SRCIN1: variants seen among roughly 807,000 people sequenced by gnomAD.
SRCIN1 encodes SRC kinase signaling inhibitor 1.
Under a neutral mutation model 116.2 loss-of-function variants are expected in SRCIN1, and 50 were observed. The ratio of observed to expected loss-of-function variants is 0.43; its 90% CI spans 0.34 to 0.54. SRCIN1 has a LOEUF of 0.54. Among genes scored for constraint, SRCIN1 ranks in the 20% least tolerant of loss-of-function variants. The probability of loss-of-function intolerance (pLI) is 0.02; values close to 1 mark genes in which losing one functional copy is unlikely to be tolerated. For missense variants in SRCIN1, 1,446 were observed against 1,672.0 expected (o/e 0.86, Z 2.36); for synonymous variants, 736 against 750.0 (o/e 0.98, Z 0.30).
rs1907148356 is a variant in SRCIN1, at chr17:38,572,483, G to C, written c.325-4252C>G. The stretch of plus-strand genomic sequence containing the variant: ...TTTGGAGTGGGGGCCGGCCCACGCC[G>C]AAGGCACCTAATGCGGTGGGGGAGG... On this transcript the variant is annotated intron_variant, in intron 2 of 18. Transcript: ENST00000617146. This position sits in a 1 kb window ranked among gnomAD's most constrained non-coding sequence, Gnocchi z 4.3. Among the ~76,000 whole-genome samples the C allele has an allele frequency of 2.0e-5, 3 of 152,036 alleles. No homozygotes were observed. Among genetic ancestry groups the C allele is most frequent in the South Asian group, 4.1e-4 (2 of 4,828 alleles).
At position 38,552,132 on chromosome 17, in the gene SRCIN1, C is replaced by T. The variant is rs2048913599; in HGVS notation, c.2481G>A (p.Arg827=). 1.9e-6 allele frequency: 3 copies of T among 1,608,552 alleles called. No individual in the cohort carries two copies. The highest frequency in any genetic ancestry group is 2.5e-6 in the Non-Finnish European group (3 of 1,176,632). Residue 827 remains arginine, a splice_region_variant and synonymous_variant, in exon 14 of 19, where the codon AGG becomes AGA. Transcript: ENST00000617146. The surrounding 1 kb of genome is among the most constrained non-coding windows in gnomAD (Gnocchi z 5.3). The part of the protein sequence containing the change: ...GVTDTLAQIR[R]QVDEGVWPPP... ...GTGGCCACACACCCTCATCCACTTG[C>T]CTGGGGTTGGGAGAGTTGGGAGCAG... is the stretch of plus-strand genomic sequence containing the variant.
intron 11 of SRCIN1, among the ~76,000 whole-genome samples, chr17:38,557,691 C>T (rs1444832240): frequency 6.6e-6 from 1 of 152,248 alleles, no homozygotes; most frequent in Non-Finnish European, 1.5e-5. Flanking sequence ...GCGATTCCTC[C>T]TTCCTTCTGA....
intron 2 of SRCIN1, among the ~76,000 whole-genome samples, chr17:38,576,244 C>T (rs1907408691): frequency 6.6e-6 from 1 of 152,124 alleles, no homozygotes; most frequent in South Asian, 2.1e-4. Context: ...CCCAAACTCC[C>T]TAACCCATGA....
chr17:38,547,626 G>T, intron 17 of SRCIN1: 1 of 220,306 alleles, frequency 4.5e-6, no homozygotes, highest in South Asian at 4.3e-5. Context: ...TAATGCTGTG[G>T]CAGTGGCTGT....
chr17:38,558,577 G>A lies in SRCIN1; in HGVS notation c.2026-175C>T, dbSNP rs112618440. 0.02 allele frequency among the ~76,000 whole-genome samples: 3,024 copies of A among 152,104 alleles called. 117 individuals carry two copies. Among genetic ancestry groups the A allele is most frequent in the African/African-American group, 0.068 (2,825 of 41,526 alleles). On this transcript the variant is annotated intron_variant, in intron 10 of 18. Transcript: ENST00000617146. This position sits in a 1 kb window ranked among gnomAD's most constrained non-coding sequence, Gnocchi z 4.6. ...GAAGGGGTGGGATGGCGAAGGGCAG[G>A]GGCGGGATGGCGAAGGGCAGGGGCA... is the stretch of plus-strand genomic sequence containing the variant.
rs542170700 is a variant in SRCIN1, at chr17:38,552,873, C to G, written c.2202-18G>C. ...CCAGGTCACTGCAGCCACAGAGAGA[C>G]CCTTTCAGCCCTTTTGGCCTGAGAT... On this transcript the variant is annotated intron_variant, in intron 11 of 18. Coordinates refer to ENST00000617146, the MANE Select transcript of SRCIN1 (RefSeq NM_025248.3). The surrounding 1 kb of genome is among the most constrained non-coding windows in gnomAD (Gnocchi z 5.3). The G allele has an allele frequency of 1.2e-6, 2 of 1,604,220 alleles. No homozygotes were observed. Among genetic ancestry groups the G allele is most frequent in the African/African-American group, 2.7e-5 (2 of 74,594 alleles).
At position 38,588,627 on chromosome 17, in the gene SRCIN1, GCGCCCCTCTGTGTGTGAAAGGGATC is replaced by G. The variant is rs1325732331; in HGVS notation, c.23-9861_23-9837del. Among the ~76,000 whole-genome samples the G allele has an allele frequency of 3.3e-5, 5 of 152,334 alleles. No homozygotes were observed. The East Asian group carries it at 9.7e-4, about 29-fold the overall frequency. On this transcript the variant is annotated intron_variant, in intron 1 of 18. Transcript: ENST00000617146. ...CAGGGGGCACTCCAGCCTGAGTGCTGCGCCCCTCTGTGTGTGAAAGGGATCTTTCCTCCCTCCCTGCAGCTGCCTC... is the reference window on the plus strand; with the variant it reads ...CAGGGGGCACTCCAGCCTGAGTGCTGTTTCCTCCCTCCCTGCAGCTGCCTC...
At position 38,574,623 on chromosome 17, in the gene SRCIN1, A is replaced by G. The variant is rs200313151; in HGVS notation, c.324+3867T>C. Among the ~76,000 whole-genome samples, 52 of 152,298 alleles carry G rather than the reference A, an allele frequency of 3.4e-4. 1 individual carries two copies. In the East Asian group the frequency reaches 7.3e-3, roughly 21 times the overall value. ...AAGGGATACAAAAACTTTTTTAAAAATCCTGAGTATCTTCCCTCAAAAAAT... is the reference window on the plus strand; with the variant it reads ...AAGGGATACAAAAACTTTTTTAAAAGTCCTGAGTATCTTCCCTCAAAAAAT... On this transcript the variant is annotated intron_variant, in intron 2 of 18. Transcript: ENST00000617146.
At chr17:38,597,488 A>T (rs113453345) in intron 1 of SRCIN1, among the ~76,000 whole-genome samples, 154 of 152,368 alleles carry the variant, frequency 1.0e-3, no homozygotes, top group Non-Finnish European at 1.5e-3. Flanking sequence ...TTGAATGTCT[A>T]CTATGTGCCA....
chr17:38,577,349 C>A (rs1907482819), intron 2 of SRCIN1, among the ~76,000 whole-genome samples: 1 of 152,210 alleles, frequency 6.6e-6, no homozygotes, highest in Non-Finnish European at 1.5e-5. Context: ...CTCTCTAATC[C>A]TGATCTGCAT....
chr17:38,599,835 G>C (rs1490011422), intron 1 of SRCIN1, among the ~76,000 whole-genome samples: 4 of 152,168 alleles, frequency 2.6e-5, no homozygotes, highest in African/African-American at 9.6e-5. Flanking sequence ...CCTGGGTATG[G>C]GGGAAACAGC....
Position 38,562,746 on chromosome 17 carries a change from C to G in SRCIN1, c.834+81G>C. On this transcript the variant is annotated intron_variant, in intron 6 of 18. Coordinates refer to ENST00000617146, the MANE Select transcript of SRCIN1 (RefSeq NM_025248.3). This position sits in a 1 kb window ranked among gnomAD's most constrained non-coding sequence, Gnocchi z 4.2. ...TCTTCTCCAAAGCTGGCCCTGGTTC[C>G]AGATGACAACTGCCCAGACCCTGCT... 1 of 1,286,172 alleles carries G rather than the reference C, an allele frequency of 7.8e-7. No individual in the cohort carries two copies. The highest frequency in any genetic ancestry group is 2.4e-5 in the East Asian group (1 of 40,852). 79.7% of individuals were successfully genotyped at this position (1,286,172 alleles called of 1,614,324 possible).
chr17:38,556,875 C>G (rs1385470156), intron 11 of SRCIN1, among the ~76,000 whole-genome samples: 3 of 152,124 alleles, frequency 2.0e-5, no homozygotes, highest in Non-Finnish European at 4.4e-5. Context: ...TGGCTCTGTG[C>G]TTTTAGATCT....
At position 38,532,942 on chromosome 17, in the gene SRCIN1, G is replaced by C. The variant is rs2040941758; in HGVS notation, c.*355C>G. Reference sequence around the variant, plus strand: ...AGGGGAAGGCGGGAAGGGGGTGCAGGAGCTTCAGGATGGACTGGGGGAAAG... The same window carrying C: ...AGGGGAAGGCGGGAAGGGGGTGCAGCAGCTTCAGGATGGACTGGGGGAAAG... On this transcript the variant is annotated 3_prime_UTR_variant, in exon 19 of 19. Coordinates refer to ENST00000617146, the MANE Select transcript of SRCIN1 (RefSeq NM_025248.3). The surrounding 1 kb of genome is among the most constrained non-coding windows in gnomAD (Gnocchi z 4.3). The C allele has an allele frequency of 5.8e-6, 1 of 172,834 alleles. No individual in the cohort carries two copies. The highest frequency in any genetic ancestry group is 1.2e-5 in the Non-Finnish European group (1 of 82,394). 10.7% of individuals were successfully genotyped at this position (172,834 alleles called of 1,614,324 possible). A position where few individuals can be genotyped will look rare whatever the true frequency, so the allele number is the denominator to read the frequency against.
intron 1 of SRCIN1, among the ~76,000 whole-genome samples, chr17:38,598,842 C>G (rs1274751288): frequency 6.6e-6 from 1 of 152,116 alleles, no homozygotes; most frequent in African/African-American, 2.4e-5. Context: ...AAAGCCAGTT[C>G]TGCTGGGGTG....
intron 10 of SRCIN1, 33 bp downstream of exon 10, chr17:38,559,552 G>A (rs758234381): frequency 6.3e-7 from 1 of 1,586,780 alleles, no homozygotes; most frequent in Admixed American, 1.7e-5. Context: ...GTAGGTGGGC[G>A]TTGGTGGGGC....
At chr17:38,601,081 C>A (rs1409533612) in intron 1 of SRCIN1, 1 of 152,332 alleles carries the variant, frequency 6.6e-6, no homozygotes, top group African/African-American at 2.4e-5. Context: ...AGAAGAGAGA[C>A]ACAACACCGC....
At chr17:38,578,022 G>A (rs992142831) in intron 2 of SRCIN1, among the ~76,000 whole-genome samples, 2 of 152,102 alleles carry the variant, frequency 1.3e-5, no homozygotes, top group Non-Finnish European at 1.5e-5. Flanking sequence ...GGGACACATC[G>A]GACCCAGCCT....
chr17:38,548,812 AC>A, intron 16 of SRCIN1, 103 bp from the exon 17 acceptor site: 1 of 1,416,878 alleles, frequency 7.1e-7, no homozygotes, highest in Non-Finnish European at 9.3e-7. Context: ...CTCGTCTGCT[AC>A]TTCTGCTGCT....
Sources: gnomAD v4.1 joint callset for allele counts (sites outside exome capture counted in the v4.1 genomes callset) on GRCh38, gnomAD v4.1.1 for gene constraint, Gnocchi (gnomAD v3.1) non-coding constraint, MANE v1.5 for transcripts, NCBI Gene and HGNC (gene_info 2026-07-23, HGNC 2026-07-21) for gene names.